SMCO2: variants seen among roughly 807,000 people sequenced by gnomAD.
SMCO2 encodes single-pass membrane protein with coiled-coil domains 2.
A neutral mutation model predicts 29.5 loss-of-function variants in SMCO2; 25 were observed. The ratio of observed to expected loss-of-function variants is 0.85; its 90% confidence interval spans 0.62 to 1.18. The LOEUF is 1.18. SMCO2 is among the 50% of genes most tolerant of loss of function. The pLI is 0.00. For missense variants in SMCO2, 348 were observed against 344.5 expected (o/e 1.01, Z -0.08); for synonymous variants, 117 against 123.3 (o/e 0.95, Z 0.34).
chr12:27,449,268 A>G, the SMCO2 span, among the ~76,000 whole-genome samples: 1 of 152,236 alleles, frequency 6.6e-6, no homozygotes. Context: ...CCCAAACGAA[A>G]TACTTGCTCT....
At chr12:27,441,983 A>G in the SMCO2 span, among the ~76,000 whole-genome samples, 1 of 152,244 alleles carries the variant, frequency 6.6e-6, no homozygotes, top group Non-Finnish European at 1.5e-5. Flanking sequence ...TGAAGAAATT[A>G]AGAAAGAAAC....
At chr12:27,473,369 A>G (rs976109982) in intron 3 of SMCO2, among the ~76,000 whole-genome samples, 4 of 152,040 alleles carry the variant, frequency 2.6e-5, no homozygotes, top group African/African-American at 7.2e-5. Context: ...TCATCCTCAC[A>G]TGGTCTTCTC....
intron 4 of SMCO2, among the ~76,000 whole-genome samples, chr12:27,478,657 A>T (rs1368977572): frequency 6.6e-6 from 1 of 152,142 alleles, no homozygotes; most frequent in Admixed American, 6.5e-5. Flanking sequence ...AGCCCCCAGG[A>T]AACACACATA....
chr12:27,485,097 G>T (rs187361392), intron 4 of SMCO2, among the ~76,000 whole-genome samples: 1 of 151,422 alleles, frequency 6.6e-6, no homozygotes, highest in African/African-American at 2.4e-5. Flanking sequence ...ACTTTAGGTT[G>T]TCTCATAACC....
At chr12:27,471,342 C>A (rs527396136) in intron 2 of SMCO2, among the ~76,000 whole-genome samples, 91 of 152,122 alleles carry the variant, frequency 6.0e-4, no homozygotes, top group Non-Finnish European at 1.2e-3. Context: ...TAAGTTTTTT[C>A]ATATAAGCAA....
the SMCO2 span, among the ~76,000 whole-genome samples, chr12:27,431,452 A>G: frequency 1.3e-5 from 2 of 152,124 alleles, no homozygotes; most frequent in Non-Finnish European, 2.9e-5. Flanking sequence ...ACTGGCAACC[A>G]CTGTTCTGCT....
At chr12:27,473,320 T>A (rs943516976) in intron 3 of SMCO2, among the ~76,000 whole-genome samples, 1 of 152,156 alleles carries the variant, frequency 6.6e-6, no homozygotes, top group African/African-American at 2.4e-5. Flanking sequence ...CTCCAGGCCT[T>A]CAGTGGCTTG....
Position 27,474,925 on chromosome 12 carries a change from C to A in SMCO2, c.362+12C>A. The A allele has an allele frequency of 6.5e-7, 1 of 1,550,236 alleles. No individual in the cohort carries two copies. Among genetic ancestry groups the A allele is most frequent in the Non-Finnish European group, 8.7e-7 (1 of 1,146,240 alleles). On this transcript the variant is annotated intron_variant, in intron 4 of 7. Coordinates refer to ENST00000298876, the Ensembl canonical transcript of SMCO2. ...AACCTCCTTGAACTGTAAGTCTTGA[C>A]ACATGCAAGACAGAGCATTTAATAA...
chr12:27,454,170 A>G, the SMCO2 span, among the ~76,000 whole-genome samples: 2 of 152,116 alleles, frequency 1.3e-5, no homozygotes, highest in South Asian at 2.1e-4. Flanking sequence ...TTTTTTGTAG[A>G]GACAGGCCAC....
At chr12:27,460,280 G>C in the SMCO2 span, among the ~76,000 whole-genome samples, 1 of 152,146 alleles carries the variant, frequency 6.6e-6, no homozygotes, top group Non-Finnish European at 1.5e-5. Flanking sequence ...GCCGGGGTTA[G>C]GGGCACCAAC....
At chr12:27,462,298 AT>A (rs1375315021), upstream of SMCO2, among the ~76,000 whole-genome samples, 1 of 152,104 alleles carries the variant, frequency 6.6e-6, no homozygotes, top group Non-Finnish European at 1.5e-5. Context: ...TTTCTTTACT[AT>A]CATAGGAAAT....
chr12:27,486,996 C>T (rs540573232), intron 4 of SMCO2, among the ~76,000 whole-genome samples: 1 of 152,252 alleles, frequency 6.6e-6, no homozygotes, highest in African/African-American at 2.4e-5. Context: ...TTTCAGCATT[C>T]CTGAATGGTA....
upstream of SMCO2, among the ~76,000 whole-genome samples, chr12:27,466,160 G>A (rs752569886): frequency 3.3e-5 from 5 of 152,170 alleles, no homozygotes; most frequent in Non-Finnish European, 7.4e-5. Flanking sequence ...AGTGGCTCAC[G>A]CCTGTAATCC....
rs763204446 is a variant in SMCO2, at chr12:27,470,904, A to G, written c.134+139A>G. 115 of 1,049,612 alleles carry G rather than the reference A, an allele frequency of 1.1e-4. 1 individual carries two copies. Among genetic ancestry groups the G allele is most frequent in the Non-Finnish European group, 1.3e-4 (95 of 756,364 alleles). The allele number at this position is 1,049,612 out of a possible 1,614,324, so 65.0% of individuals were successfully genotyped here. A position where few individuals can be genotyped will look rare whatever the true frequency, so the allele number is the denominator to read the frequency against. ...CTTCACTATAATTTATCTAATTTTA[A>G]TCTCATGAATATTTACTGTAGTAGG... On this transcript the variant is annotated intron_variant, in intron 2 of 7. Coordinates refer to ENST00000298876, the Ensembl canonical transcript of SMCO2.
the SMCO2 span, among the ~76,000 whole-genome samples, chr12:27,425,861 C>G: frequency 1.3e-5 from 2 of 152,186 alleles, no homozygotes; most frequent in African/African-American, 4.8e-5. Flanking sequence ...CCCTCAGGCC[C>G]CAGGCTGTCT....
chr12:27,480,418 C>A lies in SMCO2; in HGVS notation c.362+5505C>A, dbSNP rs1344417410. Among the ~76,000 whole-genome samples, 4 of 152,296 alleles carry A rather than the reference C, an allele frequency of 2.6e-5. No homozygotes were observed. The East Asian group carries it at 7.7e-4, about 29-fold the overall frequency. Reference sequence around the variant, plus strand: ...CAGTAGTGGCTAGTGGAGTGGACTTCCCAGCCATCTAAGCATCCCTTAATC... The same window carrying A: ...CAGTAGTGGCTAGTGGAGTGGACTTACCAGCCATCTAAGCATCCCTTAATC... On this transcript the variant is annotated intron_variant, in intron 4 of 7. Transcript: ENST00000298876.
intron 2 of SMCO2, 83 bp from the exon 3 acceptor site, chr12:27,472,693 T>G: frequency 1.0e-6 from 1 of 982,608 alleles, no homozygotes; most frequent in South Asian, 1.6e-5. Context: ...CTCAGTGTTC[T>G]CCCTTTAGAA....
the SMCO2 span, among the ~76,000 whole-genome samples, chr12:27,428,570 TTTA>T: frequency 6.7e-6 from 1 of 149,978 alleles, no homozygotes; most frequent in Non-Finnish European, 1.5e-5. Context: ...TTTTTTTTTT[TTTA>T]AAATACTCAG....
Position 27,501,291 on chromosome 12 carries a change from C to T in SMCO2, c.684-632C>T, listed in dbSNP as rs1456471312. ...ATTAGCCGGGCGTGGTGGTGGGCGC[C>T]TGTAATCCCAGCTACTCGGGAGGCT... On this transcript the variant is annotated intron_variant, in intron 7 of 7. Transcript: ENST00000298876. Among the ~76,000 whole-genome samples the T allele has an allele frequency of 2.0e-5, 3 of 148,284 alleles. 1 individual carries two copies. The highest frequency in any genetic ancestry group is 7.7e-5 in the African/African-American group (3 of 39,056).
Sources: gnomAD v4.1 joint callset for allele counts (sites outside exome capture counted in the v4.1 genomes callset) on GRCh38, gnomAD v4.1.1 for gene constraint, MANE v1.5 for transcripts, NCBI Gene and HGNC (gene_info 2026-07-23, HGNC 2026-07-21) for gene names.